The following CDKAL1 variants were observed in gnomAD, a reference collection of about 807,000 sequenced individuals.
The protein encoded by CDKAL1 is threonylcarbamoyladenosine tRNA methylthiotransferase.
CDKAL1 carries 32 observed loss-of-function variants against 68.2 expected under a neutral mutation model. The ratio of observed to expected loss-of-function variants is 0.47; its 90% confidence interval spans 0.35 to 0.63. The LOEUF is 0.63. Ranked by LOEUF, CDKAL1 falls within the 30% of genes least tolerant of loss-of-function variation. The probability of loss-of-function intolerance (pLI) is 0.00; values close to 1 mark genes in which losing one functional copy is unlikely to be tolerated. For missense variants in CDKAL1, 606 were observed against 696.7 expected, an observed-to-expected ratio of 0.87 and a Z score of 1.47; for synonymous variants, 234 against 244.3, an observed-to-expected ratio of 0.96 and a Z score of 0.39.
At chr6:20,826,536 C>T (rs1387327901) in intron 8 of CDKAL1, among the ~76,000 whole-genome samples, 1 of 152,100 alleles carries the variant, frequency 6.6e-6, no homozygotes, top group Non-Finnish European at 1.5e-5. Flanking sequence ...CTGACTCGCA[C>T]ATGGTATTTC....
Position 20,644,482 on chromosome 6 carries a change from C to T in CDKAL1, c.287-4811C>T, listed in dbSNP as rs544004675. On this transcript the variant is annotated intron_variant, in intron 4 of 15. Coordinates refer to ENST00000274695, the MANE Select transcript of CDKAL1 (RefSeq NM_017774.3). ...CACGAGATCAGGAGATTGAGACCATCCTGGCTAACATGGTGAAACCCTGTC... is the reference window on the plus strand; with the variant it reads ...CACGAGATCAGGAGATTGAGACCATTCTGGCTAACATGGTGAAACCCTGTC... 3.3e-5 allele frequency among the ~76,000 whole-genome samples: 5 copies of T among 152,150 alleles called. No homozygotes were observed. The East Asian group carries it at 9.7e-4, about 30-fold the overall frequency.
At chr6:20,751,047 G>A (rs1247236196) in intron 6 of CDKAL1, among the ~76,000 whole-genome samples, 1 of 148,930 alleles carries the variant, frequency 6.7e-6, no homozygotes, top group African/African-American at 2.5e-5. Context: ...GATAATGCAC[G>A]TGAAGTGTCA....
chr6:20,810,074 A>G (rs896654267), intron 8 of CDKAL1, among the ~76,000 whole-genome samples: 3 of 152,050 alleles, frequency 2.0e-5, no homozygotes, highest in African/African-American at 7.2e-5. Flanking sequence ...ATTGTGTCCT[A>G]TTTTTCTACC....
At chr6:20,795,818 C>T (rs1054091546) in intron 8 of CDKAL1, among the ~76,000 whole-genome samples, 1 of 152,102 alleles carries the variant, frequency 6.6e-6, no homozygotes, top group African/African-American at 2.4e-5. Context: ...GTCAAACTGG[C>T]CAGTGCTTGG....
chr6:21,187,015 G>A (rs1024484806), intron 13 of CDKAL1, among the ~76,000 whole-genome samples: 43 of 152,244 alleles, frequency 2.8e-4, no homozygotes, highest in African/African-American at 9.6e-4. Flanking sequence ...ATTTCAGCCT[G>A]TATTCAGTAT....
chr6:20,719,458 C>A (rs1268449126), intron 5 of CDKAL1, among the ~76,000 whole-genome samples: 1 of 152,090 alleles, frequency 6.6e-6, no homozygotes, highest in African/African-American at 2.4e-5. Flanking sequence ...CTAACTGTGA[C>A]ATAGTATTTA....
At chr6:21,021,456 AAGAC>A (rs1057235509) in intron 11 of CDKAL1, among the ~76,000 whole-genome samples, 1 of 152,222 alleles carries the variant, frequency 6.6e-6, no homozygotes, top group African/African-American at 2.4e-5. Flanking sequence ...GATTAAGTGA[AAGAC>A]AGCCCATTTA....
At chr6:20,690,704 C>T (rs1466382683) in intron 5 of CDKAL1, among the ~76,000 whole-genome samples, 2 of 151,800 alleles carry the variant, frequency 1.3e-5, no homozygotes, top group South Asian at 2.1e-4. Flanking sequence ...ATGTTTTTCA[C>T]GTATACTTAT....
chr6:20,898,731 G>A (rs996508567), intron 9 of CDKAL1, among the ~76,000 whole-genome samples: 2 of 151,998 alleles, frequency 1.3e-5, no homozygotes, highest in Admixed American at 6.6e-5. Context: ...ATAATGTTTT[G>A]TGAAGTCAAT....
intron 9 of CDKAL1, among the ~76,000 whole-genome samples, chr6:20,863,601 T>C (rs1175076925): frequency 6.6e-6 from 1 of 152,188 alleles, no homozygotes; most frequent in African/African-American, 2.4e-5. Flanking sequence ...GGATGCTGGA[T>C]TTTGAAGGAA....
At chr6:20,792,963 G>C (rs1775959812) in intron 8 of CDKAL1, among the ~76,000 whole-genome samples, 1 of 152,182 alleles carries the variant, frequency 6.6e-6, no homozygotes, top group African/African-American at 2.4e-5. Flanking sequence ...CAAATATGGG[G>C]AATGTATCAG....
At position 20,739,615 on chromosome 6, in the gene CDKAL1, G is replaced by C. The variant is rs745466320; in HGVS notation, c.468G>C (p.Gly156=). ...ACCTTAAGGGACTGAGTATCATTGGGGTAAGCTTGTACCTGATGCAAAAAG... is the reference window on the plus strand; with the variant it reads ...ACCTTAAGGGACTGAGTATCATTGGCGTAAGCTTGTACCTGATGCAAAAAG... The part of the protein sequence containing the change: ...QDYLKGLSII[G]VQQIDRVVEV... Residue 156 remains glycine (G), a splice_region_variant and synonymous_variant, in exon 6 of 16, where the codon GGG becomes GGC. Coordinates refer to ENST00000274695, the MANE Select transcript of CDKAL1 (RefSeq NM_017774.3). 12 of 1,589,962 alleles carry C rather than the reference G, an allele frequency of 7.5e-6. No individual in the cohort carries two copies. In the South Asian group the frequency reaches 1.3e-4, roughly 18 times the overall value.
chr6:20,646,559 A>G (rs1173743301), intron 4 of CDKAL1, among the ~76,000 whole-genome samples: 1 of 151,968 alleles, frequency 6.6e-6, no homozygotes, highest in Non-Finnish European at 1.5e-5. Flanking sequence ...TTATTTTGAA[A>G]CCAATGTTGG....
Position 20,593,771 on chromosome 6 carries a change from G to A in CDKAL1, c.286+45066G>A, listed in dbSNP as rs192627771. 4.3e-3 allele frequency among the ~76,000 whole-genome samples: 593 copies of A among 137,726 alleles called. 3 individuals are homozygous for A. The highest frequency in any genetic ancestry group is 0.015 in the African/African-American group (559 of 36,856). 90.4% of individuals were successfully genotyped at this position (137,726 alleles called of 152,430 possible). On this transcript the variant is annotated intron_variant, in intron 4 of 15. Coordinates refer to ENST00000274695, the MANE Select transcript of CDKAL1 (RefSeq NM_017774.3). ...CTAGTTCTTTTAATTGTGATGTTAG[G>A]GTGTCAATTTTAGATCTTTCCCACT...
intron 9 of CDKAL1, among the ~76,000 whole-genome samples, chr6:20,851,769 T>C (rs374126350): frequency 7.2e-5 from 11 of 151,798 alleles, no homozygotes; most frequent in African/African-American, 2.7e-4. Context: ...CTATCTAGTA[T>C]GTATAAGATT....
chr6:21,191,292 G>C (rs1171233617), intron 13 of CDKAL1, among the ~76,000 whole-genome samples: 1 of 152,200 alleles, frequency 6.6e-6, no homozygotes, highest in Non-Finnish European at 1.5e-5. Context: ...CTTTTTAAAT[G>C]CAAGTGTGTG....
chr6:20,858,334 T>C (rs879234443), intron 9 of CDKAL1, among the ~76,000 whole-genome samples: 1 of 151,270 alleles, frequency 6.6e-6, no homozygotes, highest in African/African-American at 2.4e-5. Flanking sequence ...CTTTTTTTTT[T>C]CCTGTTTATG....
rs537460083 is a variant in CDKAL1 at position 21,216,600 on chromosome 6, G to A, written c.1549-14248G>A. Among the ~76,000 whole-genome samples, 195 of 152,234 alleles carry A rather than the reference G, an allele frequency of 1.3e-3. 1 individual carries two copies. Among genetic ancestry groups the A allele is most frequent in the Non-Finnish European group, 2.4e-3 (160 of 68,018 alleles). On this transcript the variant is annotated intron_variant, in intron 15 of 15. Transcript: ENST00000274695. ...GGGAACACCTAAGGCATTGACAGGC[G>A]GTAAAGGAAACGTGCTAATGGAGAA...
chr6:21,018,070 A>G (rs983703828), intron 11 of CDKAL1, among the ~76,000 whole-genome samples: 2 of 152,296 alleles, frequency 1.3e-5, no homozygotes, highest in East Asian at 1.9e-4. Context: ...GCAGGGGTCA[A>G]TCAGGAGGCT....
Sources: gnomAD v4.1 joint callset for allele counts (sites outside exome capture counted in the v4.1 genomes callset) on GRCh38, gnomAD v4.1.1 for gene constraint, MANE v1.5 for transcripts, NCBI Gene and HGNC (gene_info 2026-07-23, HGNC 2026-07-21) for gene names.